CYP3A4: variants seen among roughly 807,000 people sequenced by gnomAD.
CYP3A4 encodes the protein cytochrome P450 3A4.
In CYP3A4, 41 loss-of-function variants were observed where a neutral mutation model predicts 54.9. That is an observed-to-expected ratio of 0.75 (90% CI 0.58 to 0.97). CYP3A4 has a LOEUF of 0.97. CYP3A4 is among the 50% of genes least tolerant of loss of function. The pLI is 0.00. For synonymous variants in CYP3A4, 179 were observed against 205.2 expected (o/e 0.87, Z 1.09); for missense variants, 510 against 597.3 (o/e 0.85, Z 1.52).
intron 12 of CYP3A4, among the ~76,000 whole-genome samples, chr7:99,760,074 A>G (rs1487439526): frequency 1.3e-5 from 2 of 152,058 alleles, no homozygotes; most frequent in African/African-American, 4.8e-5. Flanking sequence ...TGACCTCATG[A>G]TCCGCCTGCT....
chr7:99,772,318 C>T (rs1206679888), intron 4 of CYP3A4, among the ~76,000 whole-genome samples: 1 of 152,064 alleles, frequency 6.6e-6, no homozygotes, highest in African/African-American at 2.4e-5. Context: ...GATAAATTTG[C>T]ATAGAACAGA....
chr7:99,775,693 A>C (rs1335895998), intron 3 of CYP3A4, among the ~76,000 whole-genome samples: 2 of 152,208 alleles, frequency 1.3e-5, no homozygotes, highest in East Asian at 3.8e-4. Context: ...AAATTAACTC[A>C]AGATGGATTA....
At chr7:99,764,130 G>C in intron 9 of CYP3A4, 115 bp from the exon 10 acceptor site, 1 of 1,470,758 alleles carries the variant, frequency 6.8e-7, no homozygotes, top group East Asian at 2.3e-5. Flanking sequence ...GAATAGAAAA[G>C]CAATTCAGAG....
intron 3 of CYP3A4, among the ~76,000 whole-genome samples, chr7:99,776,850 CTAAAAA>C (rs1815784172): frequency 6.6e-6 from 1 of 151,924 alleles, no homozygotes; most frequent in Non-Finnish European, 1.5e-5. Flanking sequence ...ATTTAAAAAA[CTAAAAA>C]TAAAAAATAA....
At chr7:99,778,199 C>T in intron 2 of CYP3A4, 119 bp from the exon 3 acceptor site, 1 of 740,018 alleles carries the variant, frequency 1.4e-6, no homozygotes, top group Non-Finnish European at 2.2e-6. Flanking sequence ...TTAGAGGAAG[C>T]TTATTTGGAG....
At chr7:99,783,107 T>C (rs1815967928) in intron 1 of CYP3A4, among the ~76,000 whole-genome samples, 1 of 152,252 alleles carries the variant, frequency 6.6e-6, no homozygotes, top group Admixed American at 6.5e-5. Context: ...ACTGAATTTC[T>C]AACCTTTCTG....
intron 3 of CYP3A4, among the ~76,000 whole-genome samples, chr7:99,775,586 TG>T (rs1176515272): frequency 1.3e-5 from 2 of 152,078 alleles, no homozygotes; most frequent in Non-Finnish European, 2.9e-5. Flanking sequence ...ACAAAAGCAA[TG>T]GGGAAAAGAT....
intron 10 of CYP3A4, among the ~76,000 whole-genome samples, 169 bp downstream of exon 10, chr7:99,763,686 G>A (rs973721778): frequency 5.3e-5 from 8 of 152,196 alleles, no homozygotes; most frequent in Non-Finnish European, 1.2e-4. Context: ...TCTGCCAGTA[G>A]CAACCATTTG....
intron 9 of CYP3A4, 68 bp from the exon 10 acceptor site, chr7:99,764,083 GA>G: frequency 6.2e-7 from 1 of 1,604,734 alleles, no homozygotes; most frequent in Non-Finnish European, 8.5e-7. Context: ...TAGATGAAGA[GA>G]AATCTAAGTG....
chr7:99,772,226 C>T (rs1202049217), intron 4 of CYP3A4, among the ~76,000 whole-genome samples: 1 of 152,038 alleles, frequency 6.6e-6, no homozygotes, highest in African/African-American at 2.4e-5. Flanking sequence ...CACAAATCTA[C>T]TAATGATGTG....
chr7:99,761,612 C>T (rs1219512420), intron 11 of CYP3A4, among the ~76,000 whole-genome samples: 2 of 152,090 alleles, frequency 1.3e-5, no homozygotes, highest in African/African-American at 4.8e-5. Flanking sequence ...TCACTGCTTT[C>T]TTTGTCTATC....
In CYP3A4 at chr7:99,784,151, A is replaced by T; in HGVS notation, c.-70T>A. On this transcript the variant is annotated 5_prime_UTR_variant, in exon 1 of 13. Coordinates refer to ENST00000651514, the MANE Select transcript of CYP3A4 (RefSeq NM_017460.6). ...GCTCTGTGTTGCTCTTTGCTGGGCT[A>T]TGTGCATGGAGCTTTCCTGCCCTGC... 7.0e-7 allele frequency: 1 copy of T among 1,426,262 alleles called. No homozygotes were observed. Among genetic ancestry groups the T allele is most frequent in the Non-Finnish European group, 9.9e-7 (1 of 1,010,962 alleles). The allele number at this position is 1,426,262 out of a possible 1,614,324, so 88.4% of individuals were successfully genotyped here.
intron 12 of CYP3A4, among the ~76,000 whole-genome samples, chr7:99,760,207 T>C (rs1563038463): frequency 6.6e-6 from 1 of 152,144 alleles, no homozygotes; most frequent in Non-Finnish European, 1.5e-5. Context: ...ACCTGGAAGG[T>C]GAGGTCAGTC....
At chr7:99,776,392 A>T (rs1815772350) in intron 3 of CYP3A4, among the ~76,000 whole-genome samples, 1 of 152,194 alleles carries the variant, frequency 6.6e-6, no homozygotes, top group Admixed American at 6.6e-5. Flanking sequence ...ACATGCACAC[A>T]TATGTTTATT....
rs756795061 is a variant in CYP3A4 at position 99,784,113 on chromosome 7, A to T, written c.-32T>A. 1 of 1,594,742 alleles carries T rather than the reference A, an allele frequency of 6.3e-7. No homozygotes were observed. The highest frequency in any genetic ancestry group is 1.7e-5 in the Admixed American group (1 of 59,966). On this transcript the variant is annotated 5_prime_UTR_variant, in exon 1 of 13. Coordinates refer to ENST00000651514, the MANE Select transcript of CYP3A4 (RefSeq NM_017460.6). ...TTTCCTTACTTATCTCTCTCCTCTG[A>T]GTCTTCCTTTCAGCTCTGTGTTGCT...
chr7:99,780,031 T>C lies in CYP3A4; in HGVS notation c.126A>G (p.Thr42=). 6.2e-7 allele frequency: 1 copy of C among 1,613,368 alleles called. No individual in the cohort carries two copies. The highest frequency in any genetic ancestry group is 8.5e-7 in the Non-Finnish European group (1 of 1,179,618). ...AAATATTTCCCAAAAAAGGCAGAGG[T>C]GTGGGCCCTGGAATTCCAAGCTTCT... ...LFKKLGIPGP[T]PLPFLGNILS... is the part of the protein sequence containing the mutation. Residue 42 remains threonine, a synonymous_variant, in exon 2 of 13, where the codon ACA becomes ACG. Transcript: ENST00000651514.
At position 99,757,973 on chromosome 7, in the gene CYP3A4, T is replaced by A. The variant is rs1273939243; in HGVS notation, c.*160A>T. ...CAAGTATAACACTCTACACAGACAATGAGAGAGCTCAATGCATGTACAGAA... is the reference window on the plus strand; with the variant it reads ...CAAGTATAACACTCTACACAGACAAAGAGAGAGCTCAATGCATGTACAGAA... On this transcript the variant is annotated 3_prime_UTR_variant, in exon 13 of 13. Transcript: ENST00000651514. 2.4e-5 allele frequency: 15 copies of A among 629,930 alleles called. No individual in the cohort carries two copies. The East Asian group carries it at 3.1e-4, about 13-fold the overall frequency. 39.0% of individuals were successfully genotyped at this position (629,930 alleles called of 1,614,324 possible). A position where few individuals can be genotyped will look rare whatever the true frequency, so the allele number is the denominator to read the frequency against.
chr7:99,779,228 T>TAA (rs4646436), intron 2 of CYP3A4, among the ~76,000 whole-genome samples: 1 of 148,330 alleles, frequency 6.7e-6, no homozygotes, highest in East Asian at 2.0e-4. Flanking sequence ...CGCCTTTGTG[T>TAA]AAAAAAAAAA....
intron 4 of CYP3A4, 80 bp from the exon 5 acceptor site, chr7:99,770,315 A>T (rs2151560379): frequency 1.5e-6 from 2 of 1,309,902 alleles, no homozygotes. Context: ...TTAAACAGGA[A>T]CACTTATTCA....
Sources: gnomAD v4.1 joint callset for allele counts (sites outside exome capture counted in the v4.1 genomes callset) on GRCh38, gnomAD v4.1.1 for gene constraint, MANE v1.5 for transcripts, NCBI Gene and HGNC (gene_info 2026-07-23, HGNC 2026-07-21) for gene names.